The following CTXND1 variants were observed in gnomAD, a reference collection of about 807,000 sequenced individuals.
CTXND1 encodes cortexin domain containing 1.
chr15:80,247,567 A>G (rs1369748887), intron 1 of CTXND1, among the ~76,000 whole-genome samples: 1 of 152,096 alleles, frequency 6.6e-6, no homozygotes, highest in East Asian at 1.9e-4. Flanking sequence ...TGGAACACTC[A>G]AATCCACCCT....
At chr15:80,231,144 A>C (rs75253360) in intron 1 of CTXND1, among the ~76,000 whole-genome samples, 1 of 151,178 alleles carries the variant, frequency 6.6e-6, no homozygotes, top group Non-Finnish European at 1.5e-5. Flanking sequence ...TGTTATTGCT[A>C]TCTAGCTTAA....
At chr15:80,218,682 G>A (rs1893279941) in intron 1 of CTXND1, among the ~76,000 whole-genome samples, 1 of 151,848 alleles carries the variant, frequency 6.6e-6, no homozygotes, top group Non-Finnish European at 1.5e-5. Context: ...AAATCTGAGA[G>A]AGTGTCTGTA....
chr15:80,227,984 T>C (rs1567132646), intron 1 of CTXND1, among the ~76,000 whole-genome samples: 1 of 152,248 alleles, frequency 6.6e-6, no homozygotes, highest in Non-Finnish European at 1.5e-5. Flanking sequence ...GTCAGTCCTC[T>C]CAAACTCTGC....
intron 1 of CTXND1, among the ~76,000 whole-genome samples, chr15:80,247,462 G>A (rs1462099293): frequency 6.6e-6 from 1 of 152,110 alleles, no homozygotes; most frequent in Non-Finnish European, 1.5e-5. Flanking sequence ...GATGAAGAAT[G>A]CCTCTTCTGA....
intron 1 of CTXND1, among the ~76,000 whole-genome samples, chr15:80,236,224 C>G (rs1458091318): frequency 6.6e-6 from 1 of 151,880 alleles, no homozygotes; most frequent in Non-Finnish European, 1.5e-5. Flanking sequence ...TCTGTACAGA[C>G]ATAAATAAGA....
At chr15:80,243,671 G>GTAAA (rs1375613212) in intron 1 of CTXND1, among the ~76,000 whole-genome samples, 1 of 152,176 alleles carries the variant, frequency 6.6e-6, no homozygotes, top group Non-Finnish European at 1.5e-5. Flanking sequence ...TACCCCAAGG[G>GTAAA]TAAATGATGC....
At chr15:80,218,327 G>A (rs1258382414) in intron 1 of CTXND1, among the ~76,000 whole-genome samples, 1 of 152,038 alleles carries the variant, frequency 6.6e-6, no homozygotes, top group African/African-American at 2.4e-5. Flanking sequence ...TTTTGTAGAA[G>A]TGGAGTCTCG....
chr15:80,202,191 G>C (rs909050330), intron 2 of CTXND1, among the ~76,000 whole-genome samples, 177 bp from the exon 3 acceptor site: 1 of 95,624 alleles, frequency 1.0e-5, no homozygotes, highest in Non-Finnish European at 2.1e-5. Context: ...CATGGTCACA[G>C]CCCGAAACCT....
At position 80,226,791 on chromosome 15, in the gene CTXND1, A is replaced by G. The variant is rs16971855; in HGVS notation, c.-217-23051T>C. On this transcript the variant is annotated intron_variant, in intron 1 of 2. Coordinates refer to ENST00000560778, the MANE Select transcript of CTXND1 (RefSeq NM_001352888.2). ...GCCCCATCTGCTTTATATCTTCCTG[A>G]AATTCCTATACCCGTCTGCTGCATT... is the stretch of plus-strand genomic sequence containing the variant. Among the ~76,000 whole-genome samples, 3,924 of 152,272 alleles carry G rather than the reference A, an allele frequency of 0.026. 334 individuals carry two copies. The East Asian group carries it at 0.28, about 11-fold the overall frequency.
intron 1 of CTXND1, among the ~76,000 whole-genome samples, chr15:80,244,391 G>A (rs1161699113): frequency 3.9e-5 from 6 of 152,206 alleles, no homozygotes; most frequent in East Asian, 1.9e-4. Context: ...TGAACCACGA[G>A]GAGGCACAGC....
chr15:80,239,189 C>G (rs985226988), intron 1 of CTXND1, among the ~76,000 whole-genome samples: 7 of 152,204 alleles, frequency 4.6e-5, no homozygotes, highest in Non-Finnish European at 7.3e-5. Context: ...CTCTGGCTTT[C>G]CAGGCCCTCC....
chr15:80,205,228 A>G (rs891198857), intron 1 of CTXND1, among the ~76,000 whole-genome samples: 5 of 152,192 alleles, frequency 3.3e-5, no homozygotes, highest in Admixed American at 2.0e-4. Context: ...CGGATATCCC[A>G]TAGTAAATTC....
intron 1 of CTXND1, among the ~76,000 whole-genome samples, chr15:80,207,607 T>C (rs1176749422): frequency 6.6e-6 from 1 of 152,234 alleles, no homozygotes; most frequent in African/African-American, 2.4e-5. Flanking sequence ...ATATACCTGA[T>C]AAACATTTCA....
At chr15:80,216,221 TC>T (rs1299693452) in intron 1 of CTXND1, among the ~76,000 whole-genome samples, 1 of 152,180 alleles carries the variant, frequency 6.6e-6, no homozygotes, top group Non-Finnish European at 1.5e-5. Flanking sequence ...GTTTTCTGGC[TC>T]TACTCCTGCT....
chr15:80,203,303 C>A (rs1179142128), intron 2 of CTXND1, among the ~76,000 whole-genome samples: 1 of 152,172 alleles, frequency 6.6e-6, no homozygotes, highest in Non-Finnish European at 1.5e-5. Flanking sequence ...CCCCTGGAAG[C>A]AAGTTACCCA....
At chr15:80,245,141 A>G (rs1893614148) in intron 1 of CTXND1, among the ~76,000 whole-genome samples, 1 of 152,128 alleles carries the variant, frequency 6.6e-6, no homozygotes, top group African/African-American at 2.4e-5. Context: ...TCGTAAGACT[A>G]ACACCAGCGG....
At chr15:80,235,765 C>G (rs554807404) in intron 1 of CTXND1, among the ~76,000 whole-genome samples, 1 of 152,004 alleles carries the variant, frequency 6.6e-6, no homozygotes, top group East Asian at 1.9e-4. Context: ...CCTTCTTCTC[C>G]TCAACAGGCT....
intron 1 of CTXND1, among the ~76,000 whole-genome samples, chr15:80,224,243 A>AC (rs1893349773): frequency 6.6e-6 from 1 of 152,186 alleles, no homozygotes; most frequent in African/African-American, 2.4e-5. Flanking sequence ...CCAACCACCG[A>AC]CCGACTGCAA....
At chr15:80,245,999 T>G (rs1893624145) in intron 1 of CTXND1, among the ~76,000 whole-genome samples, 1 of 152,250 alleles carries the variant, frequency 6.6e-6, no homozygotes, top group Non-Finnish European at 1.5e-5. Context: ...GAGGAAATAC[T>G]AACATGGTAA....
Sources: gnomAD v4.1 joint callset for allele counts (sites outside exome capture counted in the v4.1 genomes callset) on GRCh38, gnomAD v4.1.1 for gene constraint, MANE v1.5 for transcripts, NCBI Gene and HGNC (gene_info 2026-07-23, HGNC 2026-07-21) for gene names.